BACH1: variants seen among roughly 807,000 people sequenced by gnomAD.
BACH1 encodes the protein BTB domain and CNC homolog 1, also known as transcription regulator protein BACH1.
A neutral mutation model predicts 52.9 loss-of-function variants in BACH1; 35 were observed. The observed-to-expected ratio is 0.66, with a 90% CI of 0.51 to 0.88. The LOEUF (loss-of-function observed/expected upper bound fraction) is 0.88. BACH1 is among the 40% of genes least tolerant of loss of function. The pLI, the probability that BACH1 is intolerant of heterozygous loss-of-function variation, is 0.00. For missense variants in BACH1, 808 were observed against 872.6 expected, an observed-to-expected ratio of 0.93 and a Z score of 0.93; for synonymous variants, 321 against 319.6, an observed-to-expected ratio of 1.00 and a Z score of -0.05.
intron 2 of BACH1, among the ~76,000 whole-genome samples, chr21:29,354,377 C>T (rs888524936): frequency 1.3e-5 from 2 of 152,084 alleles, no homozygotes; most frequent in Non-Finnish European, 2.9e-5. Flanking sequence ...TCCTGTGTTT[C>T]ACAGTTTGTT....
chr21:29,332,058 G>A (rs2088990216), intron 4 of BACH1, among the ~76,000 whole-genome samples: 1 of 152,034 alleles, frequency 6.6e-6, no homozygotes, highest in African/African-American at 2.4e-5. Context: ...TCAGCCTCCT[G>A]AGTAGCTGGG....
intron 4 of BACH1, among the ~76,000 whole-genome samples, chr21:29,336,304 G>C (rs1327656367): frequency 2.6e-5 from 4 of 152,132 alleles, no homozygotes; most frequent in Non-Finnish European, 5.9e-5. Context: ...GGAAATGTTT[G>C]AGTTGAGGAG....
At chr21:29,306,508 GGGAA>G (rs2088659576) in intron 1 of BACH1, among the ~76,000 whole-genome samples, 1 of 152,062 alleles carries the variant, frequency 6.6e-6, no homozygotes, top group African/African-American at 2.4e-5. Context: ...CAAGGTCAAG[GGGAA>G]TAGTACCGCT....
intron 4 of BACH1, among the ~76,000 whole-genome samples, chr21:29,334,031 T>G (rs1243584867): frequency 3.9e-5 from 6 of 152,346 alleles, no homozygotes; most frequent in Admixed American, 3.9e-4. Context: ...GCATTGCTTT[T>G]ATTACAAGAA....
At chr21:29,357,681 C>G (rs985570998) in intron 2 of BACH1, among the ~76,000 whole-genome samples, 6 of 152,184 alleles carry the variant, frequency 3.9e-5, no homozygotes, top group African/African-American at 7.2e-5. Flanking sequence ...AATTTCCTTA[C>G]TTAGGTATGC....
intron 1 of BACH1, among the ~76,000 whole-genome samples, chr21:29,307,822 T>C (rs2088676496): frequency 6.6e-6 from 1 of 152,206 alleles, no homozygotes; most frequent in South Asian, 2.1e-4. Flanking sequence ...TCCTTCTCAA[T>C]CGCAGGTCTG....
chr21:29,314,678 A>G (rs183703244), intron 1 of BACH1, among the ~76,000 whole-genome samples: 4 of 152,176 alleles, frequency 2.6e-5, no homozygotes, highest in African/African-American at 4.8e-5. Context: ...CTCCTCTAAC[A>G]ATGTCATCAT....
intron 2 of BACH1, among the ~76,000 whole-genome samples, chr21:29,352,395 T>C (rs1440692910): frequency 1.3e-5 from 2 of 152,186 alleles, no homozygotes; most frequent in Non-Finnish European, 2.9e-5. Context: ...TTAGCCACAG[T>C]ATAGCCAAAG....
intron 1 of BACH1, among the ~76,000 whole-genome samples, chr21:29,303,433 G>GTGGTATGATATGCGTTCA: frequency 6.6e-6 from 1 of 152,212 alleles, no homozygotes; most frequent in Non-Finnish European, 1.5e-5. Context: ...GCTGAACTGG[G>GTGGTATGATATGCGTTCA]TGGTATGATA....
intron 4 of BACH1, among the ~76,000 whole-genome samples, chr21:29,334,419 T>C (rs1363421170): frequency 1.3e-5 from 2 of 152,212 alleles, no homozygotes; most frequent in Admixed American, 6.5e-5. Context: ...CTAACAATTA[T>C]AAAGTCTTTG....
intron 1 of BACH1, among the ~76,000 whole-genome samples, chr21:29,316,831 A>G (rs1375973832): frequency 6.6e-6 from 1 of 152,174 alleles, no homozygotes; most frequent in Non-Finnish European, 1.5e-5. Flanking sequence ...TATGTCTTTG[A>G]CTTCCAGAGG....
intron 1 of BACH1, among the ~76,000 whole-genome samples, chr21:29,312,824 G>T (rs1014624018): frequency 6.6e-6 from 1 of 152,046 alleles, no homozygotes; most frequent in African/African-American, 2.4e-5. Flanking sequence ...TTTAGATGTT[G>T]GTTCTCCCCA....
At chr21:29,339,400 T>G (rs541028607) in intron 4 of BACH1, among the ~76,000 whole-genome samples, 21 of 152,314 alleles carry the variant, frequency 1.4e-4, no homozygotes, top group Admixed American at 7.8e-4. Flanking sequence ...CAGTGCCATT[T>G]GCAGATTTCT....
chr21:29,342,372 A>G, intron 4 of BACH1, 27 bp from the exon 5 acceptor site: 9 of 1,592,406 alleles, frequency 5.7e-6, no homozygotes, highest in Middle Eastern at 1.7e-4. Flanking sequence ...AACACAAGCC[A>G]TTGTGTTCTC....
chr21:29,299,618 C>G (rs145312447), intron 1 of BACH1: 1 of 152,340 alleles, frequency 6.6e-6, no homozygotes, highest in Non-Finnish European at 1.5e-5. Context: ...GGCGTTGATT[C>G]TGGAGACACC....
At chr21:29,315,813 T>G (rs2123425289) in intron 1 of BACH1, among the ~76,000 whole-genome samples, 1 of 152,336 alleles carries the variant, frequency 6.6e-6, no homozygotes, top group Non-Finnish European at 1.5e-5. Flanking sequence ...TTATCTTTTT[T>G]ACTTGAGGCA....
At chr21:29,351,856 T>C (rs1407612625) in intron 2 of BACH1, 2 of 453,074 alleles carry the variant, frequency 4.4e-6, no homozygotes. Context: ...GGCCTGAACT[T>C]GTGTTTACTA....
chr21:29,325,209 G>A (rs2088896515), intron 2 of BACH1, among the ~76,000 whole-genome samples: 2 of 151,956 alleles, frequency 1.3e-5, no homozygotes, highest in South Asian at 2.1e-4. Context: ...CAGCCTGGGC[G>A]ACAGAGCGAG....
In BACH1 at chr21:29,329,514, A is replaced by T; in HGVS notation, c.1597A>T (p.Ile533Leu). The T allele has an allele frequency of 6.3e-7, 1 of 1,591,894 alleles. No individual in the cohort carries two copies. The highest frequency in any genetic ancestry group is 8.5e-7 in the Non-Finnish European group (1 of 1,171,460). The change falls in exon 4 of 5, where the codon ATA becomes TTA. Residue 533 changes from isoleucine to leucine, a missense_variant. Transcript: ENST00000286800. Reference protein sequence around the residue: ...EVKLPFNAQRIISLSRNDFQS... With the variant: ...EVKLPFNAQRLISLSRNDFQS... ...AAAACTGCCATTCAATGCACAACGG[A>T]TAATTTCACTGTCTCGAAATGATTT...
Sources: allele counts gnomAD v4.1 joint callset (sites outside exome capture counted in the v4.1 genomes callset), GRCh38; gene constraint gnomAD v4.1.1; transcripts MANE v1.5; gene names NCBI Gene and HGNC (gene_info 2026-07-23, HGNC 2026-07-21).